The following DLG2 variants were observed in gnomAD, a reference collection of about 807,000 sequenced individuals.
DLG2 encodes discs large MAGUK scaffold protein 2, also known as disks large homolog 2.
A neutral mutation model predicts 132.5 loss-of-function variants in DLG2; 45 were observed. That is an observed-to-expected ratio of 0.34 (90% CI 0.27 to 0.44). The LOEUF is 0.44. Among genes scored for constraint, DLG2 ranks in the 20% least tolerant of loss-of-function variants. DLG2 has a pLI of 1.00. For synonymous variants in DLG2, 424 were observed against 419.6 expected (o/e 1.01, Z -0.13); for missense variants, 1,045 against 1,196.9 (o/e 0.87, Z 1.87).
intron 18 of DLG2, among the ~76,000 whole-genome samples, chr11:83,720,294 G>GAAAAAAAAACAAAAAAAAAAA (rs2088059834): frequency 3.7e-5 from 1 of 27,288 alleles, no homozygotes; most frequent in Non-Finnish European, 6.3e-5. Context: ...CTCCATCTCA[G>GAAAAAAAAACAAAAAAAAAAA]AAAAAAAAAA....
At chr11:85,394,238 T>C (rs2087077931) in intron 3 of DLG2, among the ~76,000 whole-genome samples, 1 of 152,218 alleles carries the variant, frequency 6.6e-6, no homozygotes, top group South Asian at 2.1e-4. Flanking sequence ...TTAGATTGAT[T>C]TAGCCATTCC....
intron 7 of DLG2, among the ~76,000 whole-genome samples, chr11:84,524,135 A>C (rs922964262): frequency 6.6e-6 from 1 of 152,186 alleles, no homozygotes; most frequent in African/African-American, 2.4e-5. Context: ...AAATATCATA[A>C]TGCTTTAAGA....
chr11:85,026,806 C>T (rs2060563257), intron 6 of DLG2, among the ~76,000 whole-genome samples: 1 of 151,964 alleles, frequency 6.6e-6, no homozygotes, highest in Admixed American at 6.6e-5. Flanking sequence ...CACTGCACTC[C>T]AGCCTGGGTG....
chr11:83,611,766 C>T (rs951564549), intron 19 of DLG2, among the ~76,000 whole-genome samples: 1 of 152,184 alleles, frequency 6.6e-6, no homozygotes, highest in Non-Finnish European at 1.5e-5. Context: ...CAGTAAGGGA[C>T]TGATACTGAA....
intron 6 of DLG2, among the ~76,000 whole-genome samples, chr11:84,817,340 G>C (rs1399424463): frequency 5.3e-5 from 8 of 151,950 alleles, no homozygotes; most frequent in Admixed American, 4.6e-4. Context: ...AGTCAAAGCT[G>C]TCTGTACACC....
intron 6 of DLG2, among the ~76,000 whole-genome samples, chr11:84,664,813 T>C (rs2099698229): frequency 6.6e-6 from 1 of 152,160 alleles, no homozygotes; most frequent in Non-Finnish European, 1.5e-5. Context: ...TGCTGATATC[T>C]GATGATTGTG....
intron 9 of DLG2, among the ~76,000 whole-genome samples, chr11:84,103,645 A>G (rs916563427): frequency 3.9e-5 from 6 of 151,920 alleles, no homozygotes; most frequent in Admixed American, 2.0e-4. Flanking sequence ...GCACAAACCC[A>G]TTTTCTAGCC....
At chr11:83,986,260 C>T (rs949341792) in intron 11 of DLG2, among the ~76,000 whole-genome samples, 4 of 149,534 alleles carry the variant, frequency 2.7e-5, no homozygotes, top group African/African-American at 9.9e-5. Flanking sequence ...CTTCCTGTGT[C>T]CATGTGTTCT....
At chr11:84,674,296 T>A (rs777127120) in intron 6 of DLG2, among the ~76,000 whole-genome samples, 3 of 152,122 alleles carry the variant, frequency 2.0e-5, no homozygotes, top group Admixed American at 2.0e-4. Flanking sequence ...TGATTAAAAA[T>A]CTCAAATCCA....
chr11:84,570,015 T>C (rs139779299), intron 6 of DLG2, among the ~76,000 whole-genome samples: 40 of 152,260 alleles, frequency 2.6e-4, no homozygotes, highest in Middle Eastern at 3.4e-3. Flanking sequence ...GGGTGGTGAA[T>C]AGCTGGGTGC....
At chr11:83,518,311 C>T (rs957294724) in intron 21 of DLG2, among the ~76,000 whole-genome samples, 2 of 152,200 alleles carry the variant, frequency 1.3e-5, no homozygotes, top group Non-Finnish European at 2.9e-5. Context: ...GGCGTAGAAC[C>T]CTCCAAGCCA....
intron 6 of DLG2, among the ~76,000 whole-genome samples, chr11:85,026,086 A>G (rs896594288): frequency 3.3e-5 from 5 of 152,140 alleles, no homozygotes; most frequent in South Asian, 2.1e-4. Context: ...CATAATTTAA[A>G]TATCAGAAGC....
At chr11:84,492,435 T>C (rs2099167661) in intron 7 of DLG2, among the ~76,000 whole-genome samples, 1 of 152,154 alleles carries the variant, frequency 6.6e-6, no homozygotes, top group Non-Finnish European at 1.5e-5. Flanking sequence ...TTAGGCTTTC[T>C]GATATATTTA....
chr11:83,682,220 G>A (rs923610031), intron 18 of DLG2: 9 of 985,208 alleles, frequency 9.1e-6, no homozygotes, highest in Non-Finnish European at 1.1e-5. Context: ...CAGCTTCTCC[G>A]TCTCCTTGGT....
At chr11:85,542,780 T>C (rs1199686843) in intron 3 of DLG2, among the ~76,000 whole-genome samples, 3 of 152,212 alleles carry the variant, frequency 2.0e-5, no homozygotes, top group Non-Finnish European at 4.4e-5. Context: ...TGAATTAATG[T>C]TTCAAAAAGT....
intron 15 of DLG2, among the ~76,000 whole-genome samples, chr11:83,885,993 C>A (rs2067748701): frequency 6.6e-6 from 1 of 152,344 alleles, no homozygotes; most frequent in African/African-American, 2.4e-5. Flanking sequence ...ACTGAAAAAT[C>A]ATGCCAAATT....
Position 85,111,736 on chromosome 11 carries a change from CT to C in DLG2, c.283-2del, listed in dbSNP as rs1203673384. ...GGGCTGGGCATCTGCCTTGGTTTTG[CT>C]GCAAATAAGTAAAAATTATATTATA... On this transcript the variant is annotated splice_acceptor_variant, in intron 5 of 27. Transcript: ENST00000376104. LOFTEE classifies it high-confidence loss of function. 7 of 1,552,942 alleles carry C rather than the reference CT, an allele frequency of 4.5e-6. No individual in the cohort carries two copies. The highest frequency in any genetic ancestry group is 6.1e-6 in the Non-Finnish European group (7 of 1,147,658).
intron 6 of DLG2, chr11:85,021,472 C>T (rs1252404197): frequency 1.4e-6 from 2 of 1,433,862 alleles, no homozygotes; most frequent in Non-Finnish European, 2.0e-6. Flanking sequence ...CCGGGCATTT[C>T]TCTCATTAAC....
chr11:83,564,434 AG>A (rs2096667201), intron 19 of DLG2, among the ~76,000 whole-genome samples: 1 of 152,158 alleles, frequency 6.6e-6, no homozygotes, highest in South Asian at 2.1e-4. Context: ...TTGCTTCACA[AG>A]GTTGCTACCT....
Sources: gnomAD v4.1 joint callset for allele counts (sites outside exome capture counted in the v4.1 genomes callset) on GRCh38, gnomAD v4.1.1 for gene constraint, MANE v1.5 for transcripts, NCBI Gene and HGNC (gene_info 2026-07-23, HGNC 2026-07-21) for gene names.